Variants in ARHGEF28 observed in about 807,000 individuals in gnomAD.
The protein encoded by ARHGEF28 is Rho guanine nucleotide exchange factor 28.
In ARHGEF28, 152 loss-of-function variants were observed where a neutral mutation model predicts 206.6. That is an observed-to-expected ratio of 0.74 (90% CI 0.64 to 0.84). The LOEUF is 0.84. ARHGEF28 is among the 40% of genes least tolerant of loss of function. The pLI is 0.00. For missense variants in ARHGEF28, 2,028 were observed against 2,073.2 expected, an observed-to-expected ratio of 0.98 and a Z score of 0.42; for synonymous variants, 763 against 776.4, an observed-to-expected ratio of 0.98 and a Z score of 0.29.
At chr5:73,788,527 C>T (rs1328756642) in intron 7 of ARHGEF28, among the ~76,000 whole-genome samples, 3 of 151,890 alleles carry the variant, frequency 2.0e-5, no homozygotes, top group Admixed American at 1.3e-4. Context: ...ATACTATATT[C>T]GTATAATAAG....
chr5:73,845,251 C>T (rs1758259546), intron 11 of ARHGEF28, among the ~76,000 whole-genome samples: 1 of 152,242 alleles, frequency 6.6e-6, no homozygotes, highest in East Asian at 1.9e-4. Flanking sequence ...TCTCTGACCT[C>T]ATGATCCGCC....
chr5:73,883,408 T>C (rs905813649), intron 23 of ARHGEF28, among the ~76,000 whole-genome samples: 1 of 152,172 alleles, frequency 6.6e-6, no homozygotes, highest in Non-Finnish European at 1.5e-5. Flanking sequence ...GGAAGACCTG[T>C]TGGGAAAACA....
At chr5:73,909,371 A>C (rs774983021) in intron 33 of ARHGEF28, 41 bp from the exon 34 acceptor site, 1 of 1,550,708 alleles carries the variant, frequency 6.4e-7, no homozygotes, top group Non-Finnish European at 8.7e-7. Context: ...ATAACCATGG[A>C]ACCTTGTGTT....
rs1389394135 is a variant in ARHGEF28 at position 73,878,669 on chromosome 5, C to A, written c.2815-3803C>A. On this transcript the variant is annotated intron_variant, in intron 22 of 35. Coordinates refer to ENST00000513042, the MANE Select transcript of ARHGEF28 (RefSeq NM_001177693.2). ...TGCTTGTCTGTAAAGTATTTTATTTCTCCTTCACTTATGAAGCTTAGTTTG... is the reference window on the plus strand; with the variant it reads ...TGCTTGTCTGTAAAGTATTTTATTTATCCTTCACTTATGAAGCTTAGTTTG... Among the ~76,000 whole-genome samples, 7 of 150,852 alleles carry A rather than the reference C, an allele frequency of 4.6e-5. No homozygotes were observed. The East Asian group carries it at 1.4e-3, about 29-fold the overall frequency.
chr5:73,809,204 C>CA (rs140757151), intron 9 of ARHGEF28, among the ~76,000 whole-genome samples: 33,882 of 139,886 alleles, frequency 0.24, 7,440 homozygotes, highest in African/African-American at 0.59. Flanking sequence ...GACTCTGTCT[C>CA]AAAAAAAAAA....
At chr5:73,889,167 C>T (rs565478817) in intron 26 of ARHGEF28, among the ~76,000 whole-genome samples, 1 of 152,294 alleles carries the variant, frequency 6.6e-6, no homozygotes, top group South Asian at 2.1e-4. Context: ...TCCTAGCTCC[C>T]ATCCTAGAAT....
At position 73,936,130 on chromosome 5, in the gene ARHGEF28, AGCCT is replaced by A. The variant is rs1283845159; in HGVS notation, c.4949-4713_4949-4710del. 2.6e-3 allele frequency among the ~76,000 whole-genome samples: 397 copies of A among 152,306 alleles called. 2 individuals carry two copies. Among genetic ancestry groups the A allele is most frequent in the African/African-American group, 9.2e-3 (382 of 41,550 alleles). On this transcript the variant is annotated intron_variant, in intron 35 of 35. Transcript: ENST00000513042. ...CAGCAGGAAATTCAGAAAAAGGCAA[AGCCT>A]ACATTAATTACTTTTAAACTGTAAG...
At chr5:73,675,136 G>A (rs943949310) in intron 1 of ARHGEF28, among the ~76,000 whole-genome samples, 140 of 152,276 alleles carry the variant, frequency 9.2e-4, no homozygotes, top group African/African-American at 3.1e-3. Flanking sequence ...ACAGTCTTGT[G>A]GGACTGAGTC....
chr5:73,736,181 A>G (rs1219503633), intron 2 of ARHGEF28, among the ~76,000 whole-genome samples: 1 of 152,246 alleles, frequency 6.6e-6, no homozygotes, highest in African/African-American at 2.4e-5. Flanking sequence ...CGAAGTACTC[A>G]ATGGATACTC....
chr5:73,912,775 C>A (rs1762977011), intron 35 of ARHGEF28, among the ~76,000 whole-genome samples: 1 of 152,200 alleles, frequency 6.6e-6, no homozygotes, highest in South Asian at 2.1e-4. Context: ...TATTATCTTA[C>A]AACTTTACTA....
intron 1 of ARHGEF28, among the ~76,000 whole-genome samples, chr5:73,666,354 C>T (rs1436474192): frequency 2.0e-5 from 3 of 152,280 alleles, no homozygotes; most frequent in African/African-American, 7.2e-5. Context: ...GAGGCTTGTG[C>T]CTGCAGCTTG....
chr5:73,840,460 GT>G lies in ARHGEF28; in HGVS notation c.1147-15del. On this transcript the variant is annotated intron_variant, in intron 10 of 35. Transcript: ENST00000513042. ...TCTTACCTGCTTTTACTCAGGAAAT[GT>G]TTTTCTTTCAACTTCCAGGTTGGTG... The G allele has an allele frequency of 6.2e-7, 1 of 1,606,044 alleles. No individual in the cohort carries two copies. Among genetic ancestry groups the G allele is most frequent in the Non-Finnish European group, 8.5e-7 (1 of 1,175,262 alleles).
At position 73,864,796 on chromosome 5, in the gene ARHGEF28, T is replaced by C. The variant is rs545152502; in HGVS notation, c.2048-21T>C. ...TAATTAAGTAAGATGGATGCTTTTG[T>C]ATCTTTTCCCTTTATTTCAGACTGT... On this transcript the variant is annotated intron_variant, in intron 16 of 35. Transcript: ENST00000513042. 243 of 1,608,522 alleles carry C rather than the reference T, an allele frequency of 1.5e-4. 1 individual carries two copies. The highest frequency in any genetic ancestry group is 5.6e-4 in the Admixed American group (33 of 59,356).
chr5:73,749,791 C>A (rs1026750619), intron 2 of ARHGEF28, 46 bp from the exon 3 acceptor site: 3 of 1,604,936 alleles, frequency 1.9e-6, no homozygotes, highest in South Asian at 1.1e-5. Flanking sequence ...TTTCTTAGAG[C>A]CAGGACAAGG....
chr5:73,893,087 A>T (rs1761743794), intron 27 of ARHGEF28, 110 bp from the exon 28 acceptor site: 1 of 904,174 alleles, frequency 1.1e-6, no homozygotes, highest in Non-Finnish European at 1.6e-6. Flanking sequence ...TTATGCTGAA[A>T]TTTTCTCCTT....
Position 73,702,685 on chromosome 5 carries a change from G to A in ARHGEF28, c.33+17801G>A, listed in dbSNP as rs111664819. Among the ~76,000 whole-genome samples, 672 of 152,168 alleles carry A rather than the reference G, an allele frequency of 4.4e-3. 4 individuals carry two copies. Among genetic ancestry groups the A allele is most frequent in the African/African-American group, 0.016 (644 of 41,510 alleles). ...TGCACAAGTGTCCTATTTTCTCCCC[G>A]TTTTTGCCAACACTTTTTATGTTCT... On this transcript the variant is annotated intron_variant, in intron 2 of 35. Coordinates refer to ENST00000513042, the MANE Select transcript of ARHGEF28 (RefSeq NM_001177693.2).
At chr5:73,915,570 C>G (rs1243499725) in intron 35 of ARHGEF28, among the ~76,000 whole-genome samples, 1 of 152,108 alleles carries the variant, frequency 6.6e-6, no homozygotes, top group East Asian at 1.9e-4. Flanking sequence ...ACAATAGTCT[C>G]TGTGGGACAA....
Position 73,909,756 on chromosome 5 carries a change from C to A in ARHGEF28, c.4506C>A (p.His1502Gln). 6.6e-7 allele frequency: 1 copy of A among 1,509,970 alleles called. No homozygotes were observed. Among genetic ancestry groups the A allele is most frequent in the Non-Finnish European group, 8.8e-7 (1 of 1,130,048 alleles). 93.5% of individuals were successfully genotyped at this position (1,509,970 alleles called of 1,614,324 possible). Residue 1502 changes from histidine (H) to glutamine (Q), a missense_variant, in exon 34 of 36, where the codon CAC (histidine) becomes CAA (glutamine). By Grantham distance (24) the His-to-Gln change is conservative. Transcript: ENST00000513042. ...ELDLQLQEYQ[H>Q]SLERLREGQR... is the part of the protein sequence containing the mutation. ...ACCTCCAGCTCCAGGAGTACCAGCACAGCCTGGAGCGGCTGAGGGAGGGCC... is the reference window on the plus strand; with the variant it reads ...ACCTCCAGCTCCAGGAGTACCAGCAAAGCCTGGAGCGGCTGAGGGAGGGCC...
chr5:73,696,881 G>A (rs1216355384), intron 2 of ARHGEF28, among the ~76,000 whole-genome samples: 1 of 152,330 alleles, frequency 6.6e-6, no homozygotes, highest in African/African-American at 2.4e-5. Flanking sequence ...TGTACTGTGA[G>A]TTTTCCCAGC....
Sources: gnomAD v4.1 joint callset for allele counts (sites outside exome capture counted in the v4.1 genomes callset) on GRCh38, gnomAD v4.1.1 for gene constraint, MANE v1.5 for transcripts, NCBI Gene and HGNC (gene_info 2026-07-23, HGNC 2026-07-21) for gene names.